Variants in MASP1 observed in about 807,000 individuals in gnomAD.
MASP1 encodes the protein mannan-binding lectin serine protease 1.
In MASP1, 59 loss-of-function variants were observed where a neutral mutation model predicts 77.1. The observed-to-expected ratio is 0.77, with a 90% CI of 0.62 to 0.95. The LOEUF is 0.95. MASP1 is among the 40% of genes least tolerant of loss of function. MASP1 has a pLI of 0.00. For missense variants in MASP1, 885 were observed against 912.9 expected (o/e 0.97, Z 0.39); for synonymous variants, 362 against 354.5 (o/e 1.02, Z -0.24).
chr3:187,281,769 G>A (rs909195643), intron 2 of MASP1, among the ~76,000 whole-genome samples: 5 of 152,164 alleles, frequency 3.3e-5, no homozygotes, highest in Non-Finnish European at 7.3e-5. Context: ...AGGACCATGG[G>A]GATCATCTTG....
At chr3:187,228,138 A>G (rs570653341) in intron 11 of MASP1, among the ~76,000 whole-genome samples, 20 of 152,192 alleles carry the variant, frequency 1.3e-4, no homozygotes, top group South Asian at 8.3e-4. Flanking sequence ...TACATGGTGG[A>G]CATTAGTGGA....
At chr3:187,273,780 A>G (rs368357408) in intron 2 of MASP1, among the ~76,000 whole-genome samples, 8 of 152,362 alleles carry the variant, frequency 5.3e-5, no homozygotes, top group African/African-American at 1.9e-4. Flanking sequence ...TGTGTGCTGC[A>G]CTTCAGAAAC....
In MASP1 at chr3:187,260,338, G is replaced by A. The variant is rs898142670; in HGVS notation, c.547+403C>T. On this transcript the variant is annotated intron_variant, in intron 4 of 10. Transcript: ENST00000296280. ...TGCTTTGGACTGAGGTCTCTCTATT[G>A]TAGAGGAACTTAGGGGCCATGGAAA... Among the ~76,000 whole-genome samples, 8 of 152,288 alleles carry A rather than the reference G, an allele frequency of 5.3e-5. No individual in the cohort carries two copies. The South Asian group carries it at 1.0e-3, about 20-fold the overall frequency.
intron 2 of MASP1, among the ~76,000 whole-genome samples, chr3:187,284,461 A>G (rs1259350265): frequency 2.0e-5 from 3 of 152,366 alleles, no homozygotes; most frequent in East Asian, 1.9e-4. Flanking sequence ...GGTTCAAAAT[A>G]TCAGTAGTGC....
Position 187,236,498 on chromosome 3 carries a change from G to T in MASP1, c.1373C>A (p.Pro458His). Reference protein sequence around the residue: ...KRIIGGRNAEPGLFPWQALIV... With the variant: ...KRIIGGRNAEHGLFPWQALIV... The stretch of plus-strand genomic sequence containing the variant: ...CAGGGCCTGCCACGGGAAGAGGCCA[G>T]GCTCAGCATTTCGGCCCCCAATGAT... The change falls in exon 11 of 11, where the codon CCT (proline) becomes CAT (histidine). Residue 458 changes from proline to histidine, a missense_variant. Pro to His is a moderately conservative substitution (Grantham distance 77). Coordinates refer to ENST00000296280, the MANE Select transcript of MASP1 (RefSeq NM_139125.4). The T allele has an allele frequency of 6.2e-7, 1 of 1,614,038 alleles. No individual in the cohort carries two copies. Among genetic ancestry groups the T allele is most frequent in the African/African-American group, 1.3e-5 (1 of 75,046 alleles).
At chr3:187,259,920 A>T (rs1386880927) in intron 4 of MASP1, among the ~76,000 whole-genome samples, 1 of 152,014 alleles carries the variant, frequency 6.6e-6, no homozygotes, top group Non-Finnish European at 1.5e-5. Flanking sequence ...GTTCTACCAC[A>T]CTTCTGACTG....
At chr3:187,289,704 G>T (rs1009677318) in intron 1 of MASP1, among the ~76,000 whole-genome samples, 3 of 152,208 alleles carry the variant, frequency 2.0e-5, no homozygotes, top group African/African-American at 7.2e-5. Flanking sequence ...TGAGCCGTCA[G>T]TTTAGAATAA....
intron 12 of MASP1, chr3:187,226,288 G>C: frequency 1.3e-6 from 1 of 772,254 alleles, no homozygotes; most frequent in Non-Finnish European, 2.3e-6. Flanking sequence ...CATCCCAGGT[G>C]TCCTGCCCTG....
At chr3:187,275,005 G>T (rs1315828566) in intron 2 of MASP1, among the ~76,000 whole-genome samples, 1 of 152,308 alleles carries the variant, frequency 6.6e-6, no homozygotes, top group African/African-American at 2.4e-5. Flanking sequence ...TTGTGTCTGG[G>T]AGGGAGAGCC....
chr3:187,241,815 C>A, intron 9 of MASP1: 1 of 404,312 alleles, frequency 2.5e-6, no homozygotes, highest in Non-Finnish European at 4.7e-6. Flanking sequence ...ACAGGGCTAC[C>A]ATCCTAGTCC....
In MASP1 at chr3:187,235,597, A is replaced by G; in HGVS notation, c.*87T>C. The G allele has an allele frequency of 6.3e-7, 1 of 1,597,522 alleles. No homozygotes were observed. ...GCTAGGTCAGTGTGTTCCATTCCAT[A>G]TGGTCTGATAAGTAATGTGGAGTGT... On this transcript the variant is annotated 3_prime_UTR_variant, in exon 11 of 11. Coordinates refer to ENST00000296280, the MANE Select transcript of MASP1 (RefSeq NM_139125.4).
intron 10 of MASP1, among the ~76,000 whole-genome samples, chr3:187,237,557 G>C (rs539137278): frequency 6.6e-6 from 1 of 152,386 alleles, no homozygotes; most frequent in South Asian, 2.1e-4. Context: ...CCCAGGAGCT[G>C]TGTAGTACCT....
At chr3:187,263,915 A>G (rs1465541681) in intron 2 of MASP1, among the ~76,000 whole-genome samples, 1 of 152,310 alleles carries the variant, frequency 6.6e-6, no homozygotes, top group African/African-American at 2.4e-5. Context: ...ATTATCTTAT[A>G]CCTAATCCAA....
intron 7 of MASP1, chr3:187,251,340 A>G (rs1417971303): frequency 2.6e-6 from 1 of 378,852 alleles, no homozygotes; most frequent in Admixed American, 3.8e-5. Flanking sequence ...GAACTTTGTT[A>G]CAGTTCTCAG....
At chr3:187,285,261 G>A (rs559443189) in intron 2 of MASP1, among the ~76,000 whole-genome samples, 14 of 151,792 alleles carry the variant, frequency 9.2e-5, no homozygotes, top group African/African-American at 1.9e-4. Context: ...GATGGTGACC[G>A]TCCCCTTCCT....
chr3:187,280,613 G>T (rs1717335864), intron 2 of MASP1, among the ~76,000 whole-genome samples: 2 of 152,030 alleles, frequency 1.3e-5, no homozygotes, highest in South Asian at 2.1e-4. Flanking sequence ...TTCTTTTCTG[G>T]GCATCTAAAA....
At chr3:187,238,657 T>G (rs1279382655) in intron 10 of MASP1, among the ~76,000 whole-genome samples, 2 of 152,166 alleles carry the variant, frequency 1.3e-5, no homozygotes, top group Admixed American at 6.5e-5. Flanking sequence ...GCATAAAACA[T>G]GATCATGGTA....
At chr3:187,220,175 C>G (rs1036725162) in exon 16 of MASP1, 4 of 1,614,192 alleles carry the variant, frequency 2.5e-6, no homozygotes, top group Non-Finnish European at 2.5e-6. Context: ...CCCCAGGACA[C>G]AGTGCCCACC....
chr3:187,249,298 T>C (rs900389054), intron 8 of MASP1, among the ~76,000 whole-genome samples: 2 of 152,188 alleles, frequency 1.3e-5, no homozygotes, highest in Non-Finnish European at 2.9e-5. Flanking sequence ...ACTCAAGTGA[T>C]CCACCTGCTT....
Sources: allele counts gnomAD v4.1 joint callset (sites outside exome capture counted in the v4.1 genomes callset), GRCh38; gene constraint gnomAD v4.1.1; transcripts MANE v1.5; gene names NCBI Gene and HGNC (gene_info 2026-07-23, HGNC 2026-07-21).